The following PDCD7 variants were observed in gnomAD, a reference collection of about 807,000 sequenced individuals.
PDCD7 encodes the protein programmed cell death 7, also known as programmed cell death protein 7.
A neutral mutation model predicts 42.1 loss-of-function variants in PDCD7; 40 were observed. The observed-to-expected ratio is 0.95, with a 90% CI of 0.74 to 1.24. PDCD7 has a LOEUF of 1.24. Ranked by LOEUF, PDCD7 falls within the 50% of genes most tolerant of loss-of-function variation. PDCD7 has a pLI of 0.00. For missense variants in PDCD7, 644 were observed against 662.8 expected (o/e 0.97, Z 0.31); for synonymous variants, 299 against 303.3 (o/e 0.99, Z 0.15).
intron 2 of PDCD7, among the ~76,000 whole-genome samples, chr15:65,124,748 T>A (rs936410177): frequency 1.6e-4 from 25 of 152,156 alleles, no homozygotes; most frequent in Admixed American, 1.6e-3. Flanking sequence ...GGCAGCTTCA[T>A]CAAAACCTCC....
chr15:65,130,323 A>AT (rs1298686490), intron 1 of PDCD7, among the ~76,000 whole-genome samples: 1 of 151,102 alleles, frequency 6.6e-6, no homozygotes, highest in East Asian at 2.0e-4. Flanking sequence ...TGCCCAGCTA[A>AT]TTTTTTGTAT....
chr15:65,119,109 C>T (rs995460629), intron 4 of PDCD7: 3 of 477,498 alleles, frequency 6.3e-6, no homozygotes, highest in African/African-American at 2.0e-5. Context: ...TGCATATGTG[C>T]CTACTAACAC....
chr15:65,133,662 A>G lies in PDCD7; in HGVS notation c.120T>C (p.Pro40=), dbSNP rs1566974067. Residue 40 remains proline (P), a synonymous_variant, in exon 1 of 5, where the codon CCT becomes CCC. Coordinates refer to ENST00000204549, the MANE Select transcript of PDCD7 (RefSeq NM_005707.2). The part of the protein sequence containing the change: ...PPLPSPAFPP[P]LPQRPGPFPG... ...GAAAAGGGCCGGGCCGCTGGGGGAG[A>G]GGCGGCGGGAAAGCCGGGGAGGGCA... 3 of 1,263,390 alleles carry G rather than the reference A, an allele frequency of 2.4e-6. No individual in the cohort carries two copies. Among genetic ancestry groups the G allele is most frequent in the Non-Finnish European group, 3.0e-6 (3 of 999,410 alleles). The allele number at this position is 1,263,390 out of a possible 1,614,324, so 78.3% of individuals were successfully genotyped here. A position where few individuals can be genotyped will look rare whatever the true frequency, so the allele number is the denominator to read the frequency against.
intron 2 of PDCD7, among the ~76,000 whole-genome samples, chr15:65,128,199 A>C (rs1025757393): frequency 3.3e-5 from 5 of 152,248 alleles, no homozygotes; most frequent in African/African-American, 1.2e-4. Context: ...TCTCTGGTGA[A>C]TACCAAAGGC....
Position 65,117,573 on chromosome 15 carries a change from C to T in PDCD7, c.*1144G>A, listed in dbSNP as rs2087417318. 1 of 151,780 alleles carries T rather than the reference C, an allele frequency of 6.6e-6. No individual in the cohort carries two copies. Among genetic ancestry groups the T allele is most frequent in the Non-Finnish European group, 1.5e-5 (1 of 67,956 alleles). 9.4% of individuals were successfully genotyped at this position (151,780 alleles called of 1,614,324 possible). ...TGAGACGGAGTCTTGCTCTGTCTCC[C>T]AGGCTGGAGTGCCGTGGCGCGATCT... On this transcript the variant is annotated 3_prime_UTR_variant, in exon 5 of 5. Coordinates refer to ENST00000204549, the MANE Select transcript of PDCD7 (RefSeq NM_005707.2).
chr15:65,121,794 T>C (rs546781202), intron 2 of PDCD7, among the ~76,000 whole-genome samples: 26 of 152,340 alleles, frequency 1.7e-4, no homozygotes, highest in African/African-American at 6.0e-4. Context: ...AATGGTATCA[T>C]AGTTGATGAT....
intron 4 of PDCD7, chr15:65,119,088 G>T: frequency 2.1e-6 from 1 of 467,400 alleles, no homozygotes; most frequent in South Asian, 5.0e-5. Context: ...ATTATTTACA[G>T]ATTCTGTATT....
intron 2 of PDCD7, among the ~76,000 whole-genome samples, chr15:65,125,605 A>G (rs2087489404): frequency 6.6e-6 from 1 of 152,236 alleles, no homozygotes; most frequent in South Asian, 2.1e-4. Flanking sequence ...GATAATAAAA[A>G]GAATAATAAT....
Position 65,133,380 on chromosome 15 carries a change from C to T in PDCD7, c.402G>A (p.Gly134=), listed in dbSNP as rs909519492. ...CGCGCAGGCGTTGGAGGGCCGCATC[C>T]CCGAGCACGTCGGCCGGCGGCGGCG... ...EAPPPPADVL[G]DAALQRLRDR... is the part of the protein sequence containing the mutation. Residue 134 remains glycine (G), a synonymous_variant, in exon 1 of 5, where the codon GGG becomes GGA. Coordinates refer to ENST00000204549, the MANE Select transcript of PDCD7 (RefSeq NM_005707.2). 1 of 1,206,146 alleles carries T rather than the reference C, an allele frequency of 8.3e-7. No individual in the cohort carries two copies. Among genetic ancestry groups the T allele is most frequent in the Non-Finnish European group, 1.0e-6 (1 of 972,146 alleles). 74.7% of individuals were successfully genotyped at this position (1,206,146 alleles called of 1,614,324 possible).
rs1032168951 is a variant in PDCD7, at chr15:65,117,580, G to A, written c.*1137C>T. 6.6e-6 allele frequency: 1 copy of A among 151,654 alleles called. No homozygotes were observed. Among genetic ancestry groups the A allele is most frequent in the Non-Finnish European group, 1.5e-5 (1 of 67,934 alleles). 9.4% of individuals were successfully genotyped at this position (151,654 alleles called of 1,614,324 possible). On this transcript the variant is annotated 3_prime_UTR_variant, in exon 5 of 5. Coordinates refer to ENST00000204549, the MANE Select transcript of PDCD7 (RefSeq NM_005707.2). ...GAGTCTTGCTCTGTCTCCCAGGCTGGAGTGCCGTGGCGCGATCTCGGCTCA... is the reference window on the plus strand; with the variant it reads ...GAGTCTTGCTCTGTCTCCCAGGCTGAAGTGCCGTGGCGCGATCTCGGCTCA...
In PDCD7 at chr15:65,133,565, C is replaced by T; in HGVS notation, c.217G>A (p.Gly73Ser). Residue 73 changes from glycine (G) to serine (S), a missense_variant, in exon 1 of 5, where the codon GGC becomes AGC. Physicochemically the swap from Gly to Ser is moderately conservative, Grantham distance 56. Coordinates refer to ENST00000204549, the MANE Select transcript of PDCD7 (RefSeq NM_005707.2). The part of the protein sequence containing the change: ...QPRASAEASR[G>S]GGGAGAFYPV... The stretch of plus-strand genomic sequence containing the variant: ...TAGAAGGCGCCAGCGCCGCCTCCGC[C>T]GCGGGAGGCCTCCGCGGAGGCTCGG... 2 of 1,230,448 alleles carry T rather than the reference C, an allele frequency of 1.6e-6. No individual in the cohort carries two copies. Among genetic ancestry groups the T allele is most frequent in the South Asian group, 4.1e-5 (1 of 24,412 alleles). 76.2% of individuals were successfully genotyped at this position (1,230,448 alleles called of 1,614,324 possible).
Position 65,119,450 on chromosome 15 carries a change from A to T in PDCD7, c.1260T>A (p.Leu420=). The T allele has an allele frequency of 6.2e-7, 1 of 1,612,878 alleles. No individual in the cohort carries two copies. The highest frequency in any genetic ancestry group is 8.5e-7 in the Non-Finnish European group (1 of 1,178,888). The change falls in exon 4 of 5, where the codon CTT becomes CTA. Residue 420 remains leucine (L), a synonymous_variant. Coordinates refer to ENST00000204549, the MANE Select transcript of PDCD7 (RefSeq NM_005707.2). The part of the protein sequence containing the change: ...KLFGDPDEFP[L]AHLLEPFRQY... ...GTCGGAAAGGCTCCAAGAGGTGAGC[A>T]AGTGGGAACTCATCTGAAAGAGAAA... is the stretch of plus-strand genomic sequence containing the variant.
chr15:65,126,751 C>CT (rs1379521045), intron 2 of PDCD7, among the ~76,000 whole-genome samples: 1 of 133,866 alleles, frequency 7.5e-6, no homozygotes, highest in African/African-American at 2.9e-5. Flanking sequence ...AAGACCCTGT[C>CT]TTTTAAAAAA....
In PDCD7 at chr15:65,132,120, A is replaced by ATG. The variant is rs571726678; in HGVS notation, c.870+790_870+791dup. Among the ~76,000 whole-genome samples the ATG allele has an allele frequency of 6.9e-3, 375 of 54,574 alleles. 6 individuals carry two copies. Among genetic ancestry groups the ATG allele is most frequent in the African/African-American group, 0.017 (360 of 20,972 alleles). The allele number at this position is 54,574 out of a possible 152,430, so 35.8% of individuals were successfully genotyped here. On this transcript the variant is annotated intron_variant, in intron 1 of 4. Transcript: ENST00000204549. ...TATGTATGTGTATATATATGTATGT[A>ATG]TGTGTATATATATATATATATATAG...
chr15:65,130,797 G>C (rs760510512), intron 1 of PDCD7, among the ~76,000 whole-genome samples: 2 of 151,766 alleles, frequency 1.3e-5, no homozygotes, highest in Non-Finnish European at 2.9e-5. Context: ...GAGCCAAGAC[G>C]GCATCACTGC....
intron 2 of PDCD7, among the ~76,000 whole-genome samples, chr15:65,124,289 G>T (rs2087478980): frequency 6.6e-6 from 1 of 152,044 alleles, no homozygotes; most frequent in African/African-American, 2.4e-5. Context: ...GCTGGGTGTG[G>T]TGGTGCATGC....
chr15:65,121,980 A>T (rs1213676359), intron 2 of PDCD7, among the ~76,000 whole-genome samples: 1 of 152,188 alleles, frequency 6.6e-6, no homozygotes, highest in Non-Finnish European at 1.5e-5. Context: ...TGTGGATGTG[A>T]TCTATCCTGT....
At chr15:65,129,461 G>A (rs1309836793) in intron 1 of PDCD7, among the ~76,000 whole-genome samples, 1 of 152,224 alleles carries the variant, frequency 6.6e-6, no homozygotes, top group Admixed American at 6.5e-5. Flanking sequence ...GTAGTGCAGA[G>A]ATCAGGTGTC....
rs1331017671 is a variant in PDCD7 at position 65,118,444 on chromosome 15, C to G, written c.*273G>C. On this transcript the variant is annotated 3_prime_UTR_variant, in exon 5 of 5. Transcript: ENST00000204549. ...ACAAGTCACTCTGGACCAAGCCCCT[C>G]AAAACAGAGGCAAATTTGGTGAACC... is the stretch of plus-strand genomic sequence containing the variant. 1.9e-5 allele frequency: 6 copies of G among 323,744 alleles called. No individual in the cohort carries two copies. The Admixed American group carries it at 3.0e-4, about 16-fold the overall frequency. 20.1% of individuals were successfully genotyped at this position (323,744 alleles called of 1,614,324 possible).
Sources: allele counts gnomAD v4.1 joint callset (sites outside exome capture counted in the v4.1 genomes callset), GRCh38; gene constraint gnomAD v4.1.1; transcripts MANE v1.5; gene names NCBI Gene and HGNC (gene_info 2026-07-23, HGNC 2026-07-21).